The following GPR176 variants were observed in gnomAD, a reference collection of about 807,000 sequenced individuals.
The protein encoded by GPR176 is G-protein coupled receptor 176.
Under a neutral mutation model 35.4 loss-of-function variants are expected in GPR176, and 26 were observed. The ratio of observed to expected loss-of-function variants is 0.74; its 90% confidence interval spans 0.54 to 1.02. The LOEUF (loss-of-function observed/expected upper bound fraction) is 1.02. Ranked by LOEUF, GPR176 falls within the 50% of genes least tolerant of loss-of-function variation. GPR176 has a pLI of 0.00. For missense variants in GPR176, 597 were observed against 665.3 expected, an observed-to-expected ratio of 0.90 and a Z score of 1.13; for synonymous variants, 278 against 271.3, an observed-to-expected ratio of 1.02 and a Z score of -0.24.
At chr15:39,825,497 T>C (rs1386216412) in intron 1 of GPR176, among the ~76,000 whole-genome samples, 1 of 152,060 alleles carries the variant, frequency 6.6e-6, no homozygotes, top group African/African-American at 2.4e-5. Context: ...TATTATTTTG[T>C]AAAAATATAA....
intron 1 of GPR176, among the ~76,000 whole-genome samples, chr15:39,902,573 T>C (rs550594968): frequency 2.6e-5 from 4 of 152,246 alleles, no homozygotes; most frequent in African/African-American, 9.6e-5. Context: ...ACAGGTCAAA[T>C]ACAAAAGGTG....
rs192692311 is a variant in GPR176 at position 39,904,760 on chromosome 15, T to C, written c.172+15095A>G. On this transcript the variant is annotated intron_variant, in intron 1 of 2. Coordinates refer to ENST00000561100, the MANE Select transcript of GPR176 (RefSeq NM_007223.3). The stretch of plus-strand genomic sequence containing the variant: ...ATGGGGGCAAAGAATGCATGTGTCC[T>C]GTATAATGGGTATAGACCAGGGTGT... Among the ~76,000 whole-genome samples, 18 of 152,312 alleles carry C rather than the reference T, an allele frequency of 1.2e-4. No homozygotes were observed. The East Asian group carries it at 3.5e-3, about 29-fold the overall frequency.
At chr15:39,892,638 G>A (rs1306600285) in intron 1 of GPR176, among the ~76,000 whole-genome samples, 2 of 152,250 alleles carry the variant, frequency 1.3e-5, no homozygotes, top group Admixed American at 1.3e-4. Flanking sequence ...CACAGAGACA[G>A]ATGAGACATA....
At chr15:39,871,234 G>A (rs2032030826) in intron 1 of GPR176, among the ~76,000 whole-genome samples, 1 of 152,112 alleles carries the variant, frequency 6.6e-6, no homozygotes, top group South Asian at 2.1e-4. Context: ...TAAGGAATGG[G>A]TTCATAACTT....
Position 39,920,052 on chromosome 15 carries a change from G to T in GPR176, c.-26C>A, listed in dbSNP as rs2033837365. 7.8e-7 allele frequency: 1 copy of T among 1,283,344 alleles called. No homozygotes were observed. 79.5% of individuals were successfully genotyped at this position (1,283,344 alleles called of 1,614,324 possible). A position where few individuals can be genotyped will look rare whatever the true frequency, so the allele number is the denominator to read the frequency against. The stretch of plus-strand genomic sequence containing the variant: ...GGCGAGGCTGGGACTCCGGCTCCGC[G>T]CGCCGCCCGCCTCGGAGCCCCGCGC... On this transcript the variant is annotated 5_prime_UTR_variant, in exon 1 of 3. Transcript: ENST00000561100.
intron 1 of GPR176, among the ~76,000 whole-genome samples, chr15:39,832,543 GCTTCT>G (rs1487936843): frequency 1.5e-4 from 23 of 152,032 alleles, no homozygotes; most frequent in African/African-American, 5.3e-4. Flanking sequence ...GTTTCTTCCA[GCTTCT>G]AGAGCAAGGG....
intron 1 of GPR176, among the ~76,000 whole-genome samples, chr15:39,882,547 C>T (rs1260904702): frequency 2.0e-5 from 3 of 152,172 alleles, no homozygotes; most frequent in African/African-American, 7.2e-5. Flanking sequence ...GGAAAAGGTT[C>T]ACTAGGATCA....
chr15:39,816,395 T>C (rs930103889), intron 1 of GPR176, among the ~76,000 whole-genome samples: 1 of 152,146 alleles, frequency 6.6e-6, no homozygotes, highest in Admixed American at 6.5e-5. Context: ...ATATATACCA[T>C]TTTTGTCAAT....
intron 1 of GPR176, among the ~76,000 whole-genome samples, chr15:39,839,904 G>A (rs1056518470): frequency 5.3e-5 from 8 of 152,292 alleles, no homozygotes; most frequent in African/African-American, 1.9e-4. Context: ...GTCGTCATTA[G>A]AGAAATGCAA....
intron 1 of GPR176, among the ~76,000 whole-genome samples, chr15:39,821,955 A>G (rs1016623982): frequency 6.6e-6 from 1 of 152,246 alleles, no homozygotes; most frequent in Non-Finnish European, 1.5e-5. Flanking sequence ...GAGATTTCCA[A>G]GGCTAGGTCA....
intron 1 of GPR176, among the ~76,000 whole-genome samples, chr15:39,851,433 C>G (rs775264294): frequency 1.3e-5 from 2 of 152,132 alleles, no homozygotes; most frequent in Non-Finnish European, 2.9e-5. Context: ...AACAAACTGT[C>G]TACTTGAAAT....
In GPR176 at chr15:39,800,108, CA is replaced by C. The variant is rs1898762861; in HGVS notation, c.*1023del. ...AACCTTTTGGGCAGAGTCACCTTTC[CA>C]AATCAGGCCTTTTCAGTTTGATGTT... On this transcript the variant is annotated 3_prime_UTR_variant, in exon 3 of 3. Coordinates refer to ENST00000561100, the MANE Select transcript of GPR176 (RefSeq NM_007223.3). 6.6e-6 allele frequency: 1 copy of C among 152,212 alleles called. No individual in the cohort carries two copies. The highest frequency in any genetic ancestry group is 2.4e-5 in the African/African-American group (1 of 41,460). The allele number at this position is 152,212 out of a possible 1,614,324, so 9.4% of individuals were successfully genotyped here. A position where few individuals can be genotyped will look rare whatever the true frequency, so the allele number is the denominator to read the frequency against.
chr15:39,876,638 T>A (rs1015113192), intron 1 of GPR176, among the ~76,000 whole-genome samples: 2 of 152,010 alleles, frequency 1.3e-5, no homozygotes, highest in African/African-American at 4.8e-5. Context: ...TATTTTCTGG[T>A]AGTAAATTTT....
chr15:39,849,359 G>A (rs118042523), intron 1 of GPR176, among the ~76,000 whole-genome samples: 4 of 151,996 alleles, frequency 2.6e-5, no homozygotes, highest in Admixed American at 6.6e-5. Context: ...TCTACTAAAC[G>A]TTTCAAGAAG....
At chr15:39,911,144 A>G (rs2033567288) in intron 1 of GPR176, among the ~76,000 whole-genome samples, 1 of 152,156 alleles carries the variant, frequency 6.6e-6, no homozygotes, top group Non-Finnish European at 1.5e-5. Context: ...ATAATTTGTT[A>G]ATTTTTTTCT....
At chr15:39,898,745 A>C (rs1023484085) in intron 1 of GPR176, among the ~76,000 whole-genome samples, 1 of 152,146 alleles carries the variant, frequency 6.6e-6, no homozygotes. Context: ...AGACATGATC[A>C]GAGTTGTTGA....
intron 1 of GPR176, among the ~76,000 whole-genome samples, chr15:39,838,095 T>A (rs549591969): frequency 6.6e-6 from 1 of 152,230 alleles, no homozygotes; most frequent in East Asian, 1.9e-4. Flanking sequence ...AAAATTAGGT[T>A]GTCATAGATG....
chr15:39,891,034 T>C (rs1053629028), intron 1 of GPR176, among the ~76,000 whole-genome samples: 1 of 152,194 alleles, frequency 6.6e-6, no homozygotes, highest in Non-Finnish European at 1.5e-5. Context: ...ACCTCTTAAA[T>C]CTTTTTAGCT....
chr15:39,894,177 A>G (rs1247947282), intron 1 of GPR176, among the ~76,000 whole-genome samples: 10 of 119,242 alleles, frequency 8.4e-5, no homozygotes, highest in Non-Finnish European at 5.3e-5. Flanking sequence ...CTGGCCTGGC[A>G]GAGGGGCTCC....
Sources: gnomAD v4.1 joint callset for allele counts (sites outside exome capture counted in the v4.1 genomes callset) on GRCh38, gnomAD v4.1.1 for gene constraint, MANE v1.5 for transcripts, NCBI Gene and HGNC (gene_info 2026-07-23, HGNC 2026-07-21) for gene names.